Variants in KHDRBS2 observed in about 807,000 individuals in gnomAD.
KHDRBS2 encodes the protein KH RNA binding domain containing, signal transduction associated 2.
KHDRBS2 carries 26 observed loss-of-function variants against 44.3 expected under a neutral mutation model. The ratio of observed to expected loss-of-function variants is 0.59; its 90% CI spans 0.43 to 0.81. The LOEUF is 0.81. Among genes scored for constraint, KHDRBS2 ranks in the 40% least tolerant of loss-of-function variants. KHDRBS2 has a pLI of 0.00. For missense variants in KHDRBS2, 476 were observed against 433.1 expected (o/e 1.10, Z -0.88); for synonymous variants, 194 against 151.1 (o/e 1.28, Z -2.08).
At chr6:61,545,050 G>A in the KHDRBS2 span, among the ~76,000 whole-genome samples, 3 of 151,732 alleles carry the variant, frequency 2.0e-5, no homozygotes, top group Admixed American at 1.3e-4. Flanking sequence ...CTGCACGTTG[G>A]GCACATGTAC....
chr6:61,989,930 G>A (rs1246283773), intron 3 of KHDRBS2, among the ~76,000 whole-genome samples: 1 of 152,136 alleles, frequency 6.6e-6, no homozygotes, highest in Non-Finnish European at 1.5e-5. Flanking sequence ...TGGGGTTGGG[G>A]AGGAATTGGT....
chr6:62,115,346 G>A (rs540254582), intron 2 of KHDRBS2, among the ~76,000 whole-genome samples: 1 of 152,244 alleles, frequency 6.6e-6, no homozygotes, highest in South Asian at 2.1e-4. Flanking sequence ...TGACTACTTT[G>A]ATATCAGCAT....
At chr6:61,634,584 C>T in the KHDRBS2 span, among the ~76,000 whole-genome samples, 243 of 152,114 alleles carry the variant, frequency 1.6e-3, no homozygotes, top group African/African-American at 5.5e-3. Flanking sequence ...AACAGTTGAT[C>T]TGTAACTATT....
At chr6:62,039,872 G>C (rs1786090726) in intron 3 of KHDRBS2, among the ~76,000 whole-genome samples, 1 of 152,052 alleles carries the variant, frequency 6.6e-6, no homozygotes, top group Non-Finnish European at 1.5e-5. Flanking sequence ...CACTTGCTTT[G>C]TCAAGTTGTA....
intron 6 of KHDRBS2, among the ~76,000 whole-genome samples, chr6:61,807,832 A>C (rs1032934356): frequency 1.4e-4 from 22 of 152,086 alleles, no homozygotes; most frequent in African/African-American, 5.3e-4. Context: ...AGTTAAAATA[A>C]AAATAATAAT....
chr6:61,860,230 T>C (rs1351555766), intron 6 of KHDRBS2, among the ~76,000 whole-genome samples: 1 of 151,888 alleles, frequency 6.6e-6, no homozygotes, highest in Non-Finnish European at 1.5e-5. Flanking sequence ...GACACAAAAA[T>C]TCCCCACAAG....
chr6:62,193,843 T>G (rs1365991859), intron 1 of KHDRBS2, among the ~76,000 whole-genome samples: 1 of 152,128 alleles, frequency 6.6e-6, no homozygotes. Context: ...GTTGAGCACA[T>G]ATTAACATTA....
intron 6 of KHDRBS2, among the ~76,000 whole-genome samples, chr6:61,776,097 G>T (rs913954128): frequency 7.2e-5 from 11 of 152,276 alleles, no homozygotes; most frequent in African/African-American, 2.6e-4. Flanking sequence ...TATGTAGAAA[G>T]CTGAAACTGG....
chr6:62,022,216 A>C (rs1441716287), intron 3 of KHDRBS2, among the ~76,000 whole-genome samples: 3 of 151,716 alleles, frequency 2.0e-5, no homozygotes, highest in Admixed American at 6.6e-5. Flanking sequence ...TTTCCTTATG[A>C]ATTAAAAATG....
In KHDRBS2 at chr6:61,745,738, G is replaced by A. The variant is rs114958385; in HGVS notation, c.811-12974C>T. Among the ~76,000 whole-genome samples the A allele has an allele frequency of 9.4e-3, 1,435 of 152,188 alleles. 16 individuals are homozygous for A. Among genetic ancestry groups the A allele is most frequent in the Non-Finnish European group, 0.016 (1,090 of 68,010 alleles). On this transcript the variant is annotated intron_variant, in intron 6 of 8. Transcript: ENST00000281156. ...ATATTTCTAATCATAGAAATCCAGC[G>A]GACTGGCCACACAAGAGGAGAGTTG...
chr6:61,979,490 T>C (rs542492806), intron 3 of KHDRBS2, among the ~76,000 whole-genome samples: 19 of 152,136 alleles, frequency 1.2e-4, no homozygotes, highest in African/African-American at 4.1e-4. Context: ...CCCATGTTAA[T>C]GTGAGTGTTT....
At chr6:61,583,014 T>C in the KHDRBS2 span, among the ~76,000 whole-genome samples, 2 of 151,834 alleles carry the variant, frequency 1.3e-5, no homozygotes, top group South Asian at 2.1e-4. Context: ...CCTATGTTTT[T>C]GATCTATATT....
At chr6:61,764,293 A>C (rs1160838751) in intron 6 of KHDRBS2, among the ~76,000 whole-genome samples, 2 of 152,146 alleles carry the variant, frequency 1.3e-5, no homozygotes, top group African/African-American at 4.8e-5. Flanking sequence ...CAGTGAACAT[A>C]TGTATATATG....
At chr6:61,836,056 A>C (rs558762604) in intron 6 of KHDRBS2, among the ~76,000 whole-genome samples, 3 of 152,004 alleles carry the variant, frequency 2.0e-5, no homozygotes, top group Non-Finnish European at 4.4e-5. Context: ...AAGAGAGATT[A>C]AGTACTATAC....
the KHDRBS2 span, among the ~76,000 whole-genome samples, chr6:61,578,611 A>G: frequency 6.6e-6 from 1 of 152,172 alleles, no homozygotes; most frequent in Non-Finnish European, 1.5e-5. Flanking sequence ...ACCAAATTGG[A>G]TTCATCAAAT....
chr6:62,089,397 C>G (rs185630709), intron 2 of KHDRBS2, among the ~76,000 whole-genome samples: 28 of 152,072 alleles, frequency 1.8e-4, no homozygotes, highest in Non-Finnish European at 5.9e-5. Context: ...CTGTGGGTTG[C>G]GAAGACTCTG....
chr6:61,967,908 AT>A, intron 4 of KHDRBS2, among the ~76,000 whole-genome samples: 2 of 143,502 alleles, frequency 1.4e-5, no homozygotes, highest in East Asian at 2.0e-4. Context: ...ACACACATAT[AT>A]ATATACACAT....
At chr6:61,824,151 A>G (rs1271725396) in intron 6 of KHDRBS2, among the ~76,000 whole-genome samples, 4 of 152,102 alleles carry the variant, frequency 2.6e-5, no homozygotes, top group Non-Finnish European at 4.4e-5. Context: ...CTTATGCTCC[A>G]ATTTTTATTC....
At chr6:62,278,854 G>T (rs959664264) in intron 1 of KHDRBS2, among the ~76,000 whole-genome samples, 1 of 152,156 alleles carries the variant, frequency 6.6e-6, no homozygotes, top group Admixed American at 6.6e-5. Flanking sequence ...CAGCACTTTG[G>T]GAGGCCGAGG....
Sources: gnomAD v4.1 joint callset for allele counts (sites outside exome capture counted in the v4.1 genomes callset) on GRCh38, gnomAD v4.1.1 for gene constraint, MANE v1.5 for transcripts, NCBI Gene and HGNC (gene_info 2026-07-23, HGNC 2026-07-21) for gene names.